The following DCT variants were observed in gnomAD, a reference collection of about 807,000 sequenced individuals.
The protein encoded by DCT is L-dopachrome tautomerase.
Under a neutral mutation model 53.0 loss-of-function variants are expected in DCT, and 47 were observed. The ratio of observed to expected loss-of-function variants is 0.89; its 90% CI spans 0.70 to 1.13. DCT has a LOEUF of 1.13. Among genes scored for constraint, DCT ranks in the 50% most tolerant of loss-of-function variants. The pLI is 0.00. For synonymous variants in DCT, 244 were observed against 237.0 expected, an observed-to-expected ratio of 1.03 and a Z score of -0.27; for missense variants, 669 against 637.4, an observed-to-expected ratio of 1.05 and a Z score of -0.53.
the DCT span, among the ~76,000 whole-genome samples, chr13:94,525,546 C>T: frequency 6.6e-6 from 1 of 152,310 alleles, no homozygotes; most frequent in East Asian, 1.9e-4. Flanking sequence ...ACAGAGACAC[C>T]CTGCCTCCTT....
chr13:94,510,898 C>T, the DCT span, among the ~76,000 whole-genome samples: 57,693 of 152,056 alleles, frequency 0.38, 11,421 homozygotes, highest in East Asian at 0.61. Flanking sequence ...ATTCCTTCCA[C>T]TTCTCCACAT....
chr13:94,489,881 G>A, the DCT span, among the ~76,000 whole-genome samples: 1 of 151,988 alleles, frequency 6.6e-6, no homozygotes, highest in African/African-American at 2.4e-5. Context: ...AGATATTCTT[G>A]TCCATAATGC....
chr13:94,445,865 G>T, intron 6 of DCT: 2 of 728,830 alleles, frequency 2.7e-6, no homozygotes, highest in Non-Finnish European at 4.6e-6. Context: ...GCCCATTCCT[G>T]GAGGCAGGGG....
intron 5 of DCT, among the ~76,000 whole-genome samples, chr13:94,460,455 T>C (rs532015816): frequency 1.4e-3 from 217 of 152,362 alleles, no homozygotes; most frequent in Middle Eastern, 3.4e-3. Context: ...TTTTGTGTAC[T>C]GTATGACAAC....
At position 94,472,543 on chromosome 13, in the gene DCT, TATATATATATATATATATATATA is replaced by T. The variant is rs1276467996; in HGVS notation, c.296-3521_296-3499del. On this transcript the variant is annotated intron_variant, in intron 1 of 7. Transcript: ENST00000377028. The stretch of plus-strand genomic sequence containing the variant: ...ATACATATATATATATATATATATA[TATATATATATATATATATATATA>T]TATTTTTTTTTTTTTTTTTTTTTTT... 7.8e-4 allele frequency among the ~76,000 whole-genome samples: 27 copies of T among 34,658 alleles called. 1 individual carries two copies. Among genetic ancestry groups the T allele is most frequent in the African/African-American group, 2.3e-3 (16 of 7,038 alleles). The allele number at this position is 34,658 out of a possible 152,430, so 22.7% of individuals were successfully genotyped here.
At chr13:94,448,049 A>G (rs889839295) in intron 6 of DCT, among the ~76,000 whole-genome samples, 11 of 152,074 alleles carry the variant, frequency 7.2e-5, no homozygotes, top group Non-Finnish European at 1.2e-4. Context: ...GGAGTTCGAG[A>G]CCAGCCCCAG....
chr13:94,534,548 C>T, the DCT span, among the ~76,000 whole-genome samples: 1 of 152,240 alleles, frequency 6.6e-6, no homozygotes, highest in Non-Finnish European at 1.5e-5. Context: ...GCCAAGCATA[C>T]AAGTCAACTA....
At chr13:94,458,732 G>A (rs1335052345) in intron 6 of DCT, among the ~76,000 whole-genome samples, 1 of 151,990 alleles carries the variant, frequency 6.6e-6, no homozygotes. Flanking sequence ...AACCCAGGAG[G>A]CAGAGGTTGC....
intron 3 of DCT, 49 bp from the exon 4 acceptor site, chr13:94,465,848 A>T: frequency 6.5e-7 from 1 of 1,541,820 alleles, no homozygotes; most frequent in East Asian, 2.3e-5. Context: ...CATCAGATAC[A>T]ACAAGAAAGC....
chr13:94,468,698 C>G, intron 2 of DCT, 48 bp downstream of exon 2: 2 of 1,538,116 alleles, frequency 1.3e-6, no homozygotes, highest in Non-Finnish European at 1.8e-6. Context: ...ACCCTCAACC[C>G]AATCACAAAC....
chr13:94,441,211 A>G (rs374064126), intron 7 of DCT, among the ~76,000 whole-genome samples: 4 of 152,318 alleles, frequency 2.6e-5, no homozygotes, highest in African/African-American at 9.6e-5. Flanking sequence ...GATTCAACCC[A>G]GCAGCACCTA....
At chr13:94,523,071 G>A in the DCT span, among the ~76,000 whole-genome samples, 4 of 152,142 alleles carry the variant, frequency 2.6e-5, no homozygotes, top group Non-Finnish European at 5.9e-5. Flanking sequence ...GGGGGCCTGG[G>A]GTCTCCAACC....
At chr13:94,531,664 G>A in the DCT span, among the ~76,000 whole-genome samples, 1 of 152,186 alleles carries the variant, frequency 6.6e-6, no homozygotes, top group Non-Finnish European at 1.5e-5. Context: ...AGATTTAAAT[G>A]TAAGACCTAA....
intron 5 of DCT, 84 bp downstream of exon 5, chr13:94,461,926 C>A: frequency 8.0e-7 from 1 of 1,250,942 alleles, no homozygotes; most frequent in Non-Finnish European, 1.1e-6. Context: ...CCCCCAAAAC[C>A]TGGGTTTCCT....
the DCT span, among the ~76,000 whole-genome samples, chr13:94,509,307 G>A: frequency 1.3e-5 from 2 of 152,220 alleles, no homozygotes; most frequent in East Asian, 1.9e-4. Flanking sequence ...GCCTGCCTGG[G>A]TATAAATCCT....
the DCT span, among the ~76,000 whole-genome samples, chr13:94,496,338 C>A: frequency 1.2e-4 from 19 of 152,126 alleles, no homozygotes; most frequent in African/African-American, 4.1e-4. Flanking sequence ...GGATTACAGC[C>A]ACACACCACC....
chr13:94,461,455 G>C (rs944537079), intron 5 of DCT, among the ~76,000 whole-genome samples: 1 of 152,048 alleles, frequency 6.6e-6, no homozygotes, highest in Admixed American at 6.6e-5. Context: ...CAGTCCTCCC[G>C]CACTGGCCTC....
At chr13:94,453,418 T>G (rs181477328) in intron 6 of DCT, among the ~76,000 whole-genome samples, 1 of 152,150 alleles carries the variant, frequency 6.6e-6, no homozygotes, top group Non-Finnish European at 1.5e-5. Context: ...AATATAAAAA[T>G]CATAAACCAA....
Position 94,439,630 on chromosome 13 carries a change from G to GC in DCT, c.*267_*268insG, listed in dbSNP as rs549753309. The GC allele has an allele frequency of 1.0e-3, 282 of 270,172 alleles. 2 individuals carry two copies. Among genetic ancestry groups the GC allele is most frequent in the Non-Finnish European group, 1.2e-3 (173 of 143,842 alleles). The allele number at this position is 270,172 out of a possible 1,614,324, so 16.7% of individuals were successfully genotyped here. On this transcript the variant is annotated 3_prime_UTR_variant, in exon 8 of 8. Coordinates refer to ENST00000377028, the MANE Select transcript of DCT (RefSeq NM_001922.5). ...GGAGGAGGCTTAATCAATATTGGGG[G>GC]GGGGGTTATTATTAGATATCACAAA...
Sources: gnomAD v4.1 joint callset for allele counts (sites outside exome capture counted in the v4.1 genomes callset) on GRCh38, gnomAD v4.1.1 for gene constraint, MANE v1.5 for transcripts, NCBI Gene and HGNC (gene_info 2026-07-23, HGNC 2026-07-21) for gene names.